PEX7: variants seen among roughly 807,000 people sequenced by gnomAD.
PEX7 encodes the protein PTS2 receptor.
In PEX7, 34 loss-of-function variants were observed where a neutral mutation model predicts 47.5. The ratio of observed to expected loss-of-function variants is 0.72; its 90% CI spans 0.54 to 0.95. The LOEUF (loss-of-function observed/expected upper bound fraction) is 0.95. PEX7 is among the 40% of genes least tolerant of loss of function. PEX7 has a pLI of 0.00. For synonymous variants in PEX7, 141 were observed against 148.8 expected (o/e 0.95, Z 0.38); for missense variants, 394 against 400.3 (o/e 0.98, Z 0.13).
intron 8 of PEX7, among the ~76,000 whole-genome samples, chr6:136,872,988 T>G (rs1775208828): frequency 6.6e-6 from 1 of 152,178 alleles, no homozygotes; most frequent in African/African-American, 2.4e-5. Context: ...AGAAGTTACT[T>G]AGGTTAATTC....
At chr6:136,894,783 A>T (rs1775620032) in intron 8 of PEX7, among the ~76,000 whole-genome samples, 1 of 152,222 alleles carries the variant, frequency 6.6e-6, no homozygotes, top group South Asian at 2.1e-4. Flanking sequence ...AGGCTTATCC[A>T]GTATATTTAC....
intron 5 of PEX7, among the ~76,000 whole-genome samples, chr6:136,858,381 G>C (rs968298657): frequency 1.3e-5 from 2 of 152,166 alleles, no homozygotes; most frequent in Admixed American, 6.6e-5. Context: ...GCTTATCTAA[G>C]AGCTAAAACT....
At position 136,913,371 on chromosome 6, in the gene PEX7, C is replaced by T. The variant is rs1171343632; in HGVS notation, c.904-87C>T. 1.7e-5 allele frequency: 15 copies of T among 867,658 alleles called. No individual in the cohort carries two copies. The East Asian group carries it at 3.6e-4, about 21-fold the overall frequency. The allele number at this position is 867,658 out of a possible 1,614,324, so 53.7% of individuals were successfully genotyped here. ...ATGTTTACTAGTGGATGATTTACGA[C>T]ACTCTAAATGACTTGAGTTTTTGCT... On this transcript the variant is annotated intron_variant, in intron 9 of 9. Transcript: ENST00000318471.
chr6:136,880,566 C>T (rs905777921), intron 8 of PEX7, among the ~76,000 whole-genome samples: 20 of 152,164 alleles, frequency 1.3e-4, no homozygotes, highest in African/African-American at 4.6e-4. Context: ...TTTGATTTTT[C>T]TTCTTACAGT....
At chr6:136,865,282 C>T (rs1249437763) in intron 5 of PEX7, among the ~76,000 whole-genome samples, 1 of 152,172 alleles carries the variant, frequency 6.6e-6, no homozygotes, top group South Asian at 2.1e-4. Context: ...GAAACCCCAT[C>T]TCTCTCACTC....
At chr6:136,823,680 C>T (rs1582731044) in intron 1 of PEX7, among the ~76,000 whole-genome samples, 1 of 152,164 alleles carries the variant, frequency 6.6e-6, no homozygotes, top group Non-Finnish European at 1.5e-5. Context: ...CACTTGAGTT[C>T]GGGAGTTCCA....
intron 8 of PEX7, among the ~76,000 whole-genome samples, chr6:136,883,055 G>A (rs1775403936): frequency 1.3e-5 from 2 of 152,134 alleles, no homozygotes; most frequent in African/African-American, 4.8e-5. Flanking sequence ...TTTGGATTGA[G>A]TAAGTCACTT....
chr6:136,902,002 C>T (rs946874417), intron 9 of PEX7, among the ~76,000 whole-genome samples: 1 of 152,158 alleles, frequency 6.6e-6, no homozygotes, highest in African/African-American at 2.4e-5. Context: ...CCAGGCTGGT[C>T]GCAAACTCCC....
chr6:136,867,658 G>T (rs1775097742), intron 6 of PEX7, among the ~76,000 whole-genome samples: 1 of 151,966 alleles, frequency 6.6e-6, no homozygotes, highest in East Asian at 1.9e-4. Flanking sequence ...GGCGCCTGTA[G>T]TCCCAGCTAC....
In PEX7 at chr6:136,846,338, A is replaced by C. The variant is rs538284308; in HGVS notation, c.526+157A>C. Among the ~76,000 whole-genome samples, 4 of 151,810 alleles carry C rather than the reference A, an allele frequency of 2.6e-5. No individual in the cohort carries two copies. In the South Asian group the frequency reaches 6.2e-4, roughly 24 times the overall value. On this transcript the variant is annotated intron_variant, in intron 5 of 9. Transcript: ENST00000318471. ...AGACTTTACTTCTTTTTTTATTTTTATTTTTTTATTTTTATTATTATACTT... is the reference window on the plus strand; with the variant it reads ...AGACTTTACTTCTTTTTTTATTTTTCTTTTTTTATTTTTATTATTATACTT...
In PEX7 at chr6:136,822,805, C is replaced by T. The variant is rs794726882; in HGVS notation, c.130+10C>T. 6.2e-6 allele frequency: 8 copies of T among 1,284,614 alleles called. No homozygotes were observed. Among genetic ancestry groups the T allele is most frequent in the Non-Finnish European group, 7.8e-6 (8 of 1,021,818 alleles). 79.6% of individuals were successfully genotyped at this position (1,284,614 alleles called of 1,614,324 possible). Reference sequence around the variant, plus strand: ...CACTACGGCATCGCGGGTGAGGCGGCGCCGCGCAGCTGGGGCCGGGGGGCG... The same window carrying T: ...CACTACGGCATCGCGGGTGAGGCGGTGCCGCGCAGCTGGGGCCGGGGGGCG... On this transcript the variant is annotated intron_variant, in intron 1 of 9. Transcript: ENST00000318471.
chr6:136,825,063 G>A (rs2115128652), intron 1 of PEX7, 151 bp from the exon 2 acceptor site: 1 of 689,100 alleles, frequency 1.5e-6, no homozygotes, highest in Non-Finnish European at 2.6e-6. Context: ...GGGAGAAATT[G>A]ATCACCTGAC....
At chr6:136,830,064 T>C (rs1438400414) in intron 3 of PEX7, 1 of 715,614 alleles carries the variant, frequency 1.4e-6, no homozygotes, top group Admixed American at 2.0e-5. Context: ...CATTTTCTTC[T>C]GTGGAAGAGA....
intron 3 of PEX7, among the ~76,000 whole-genome samples, chr6:136,837,938 T>C (rs1249758508): frequency 6.6e-6 from 1 of 152,208 alleles, no homozygotes; most frequent in African/African-American, 2.4e-5. Flanking sequence ...CAGCTCATTA[T>C]TCTGAAAATT....
intron 9 of PEX7, among the ~76,000 whole-genome samples, chr6:136,911,953 G>C (rs550538003): frequency 6.6e-6 from 1 of 152,200 alleles, no homozygotes; most frequent in South Asian, 2.1e-4. Context: ...CTGACATTTG[G>C]TGTTGTCAAT....
chr6:136,832,281 T>C (rs1397132431), intron 3 of PEX7, among the ~76,000 whole-genome samples: 1 of 152,240 alleles, frequency 6.6e-6, no homozygotes, highest in Non-Finnish European at 1.5e-5. Context: ...TTGGCTCCTT[T>C]TAGCCATGGC....
At chr6:136,859,955 C>T (rs573542150) in intron 5 of PEX7, among the ~76,000 whole-genome samples, 1 of 150,592 alleles carries the variant, frequency 6.6e-6, no homozygotes, top group Non-Finnish European at 1.5e-5. Flanking sequence ...ACCCTGGAGG[C>T]AGAGGTTGCA....
intron 8 of PEX7, among the ~76,000 whole-genome samples, chr6:136,879,060 G>A (rs1168609963): frequency 6.6e-6 from 1 of 151,654 alleles, no homozygotes; most frequent in Admixed American, 6.6e-5. Flanking sequence ...CAGTGAACTT[G>A]TTCTACTTTC....
chr6:136,823,482 C>A, intron 1 of PEX7: 1 of 371,064 alleles, frequency 2.7e-6, no homozygotes, highest in Non-Finnish European at 3.7e-6. Context: ...CGCTTGAGCC[C>A]GGGATGTTGA....
Sources: gnomAD v4.1 joint callset for allele counts (sites outside exome capture counted in the v4.1 genomes callset) on GRCh38, gnomAD v4.1.1 for gene constraint, MANE v1.5 for transcripts, NCBI Gene and HGNC (gene_info 2026-07-23, HGNC 2026-07-21) for gene names.